PGCKA1: variants seen among roughly 807,000 people sequenced by gnomAD.
The protein encoded by PGCKA1 is PDCD10 and GCKIII kinases associated 1, also known as PDCD10 and GCKIII kinases-associated protein 1.
chr4:37,581,810 T>G, the PGCKA1 span, among the ~76,000 whole-genome samples: 1 of 152,140 alleles, frequency 6.6e-6, no homozygotes, highest in Non-Finnish European at 1.5e-5. The surrounding 1 kb of genome is among the most constrained non-coding windows in gnomAD (Gnocchi z 4.4). Flanking sequence ...AGTACTGATA[T>G]CTTGCCTAGG....
chr4:37,529,938 AT>A, the PGCKA1 span, among the ~76,000 whole-genome samples: 3 of 152,232 alleles, frequency 2.0e-5, no homozygotes, highest in Non-Finnish European at 4.4e-5. Flanking sequence ...ATATTAAAAA[AT>A]AATGTAAGCC....
the PGCKA1 span, among the ~76,000 whole-genome samples, chr4:37,542,435 C>T: frequency 6.6e-6 from 1 of 152,156 alleles, no homozygotes; most frequent in Non-Finnish European, 1.5e-5. Flanking sequence ...GGATAAATAT[C>T]AAGCAAGAAT....
At chr4:37,520,897 G>A in the PGCKA1 span, among the ~76,000 whole-genome samples, 12 of 152,210 alleles carry the variant, frequency 7.9e-5, no homozygotes, top group Non-Finnish European at 1.0e-4. Context: ...GATTACAGGC[G>A]TGAGCCACTG....
chr4:37,540,557 A>G, the PGCKA1 span, among the ~76,000 whole-genome samples: 2 of 152,164 alleles, frequency 1.3e-5, no homozygotes, highest in African/African-American at 4.8e-5. Flanking sequence ...TTTGATCATT[A>G]CTTCACACAA....
At chr4:37,529,776 A>C in the PGCKA1 span, among the ~76,000 whole-genome samples, 3 of 152,154 alleles carry the variant, frequency 2.0e-5, no homozygotes, top group Non-Finnish European at 4.4e-5. Flanking sequence ...CCTTGAGTTG[A>C]TTTAAAAGGA....
chr4:37,552,479 T>C, the PGCKA1 span, among the ~76,000 whole-genome samples: 1 of 152,148 alleles, frequency 6.6e-6, no homozygotes, highest in Non-Finnish European at 1.5e-5. Flanking sequence ...ACTATTATCA[T>C]TGTCATTTTA....
At chr4:37,529,713 G>C in the PGCKA1 span, among the ~76,000 whole-genome samples, 1 of 152,288 alleles carries the variant, frequency 6.6e-6, no homozygotes, top group South Asian at 2.1e-4. Context: ...TAGAAGATGG[G>C]GGAAGCTGGC....
At chr4:37,461,942 A>T in the PGCKA1 span, among the ~76,000 whole-genome samples, 1 of 152,022 alleles carries the variant, frequency 6.6e-6, no homozygotes, top group Non-Finnish European at 1.5e-5. Context: ...TGTGAACATG[A>T]TTCTGGACTG....
the PGCKA1 span, among the ~76,000 whole-genome samples, chr4:37,532,613 A>G: frequency 6.6e-6 from 1 of 152,018 alleles, no homozygotes; most frequent in Non-Finnish European, 1.5e-5. Context: ...TTGCCAGACC[A>G]CTAGCTGTAA....
chr4:37,559,684 G>T, the PGCKA1 span, among the ~76,000 whole-genome samples: 2 of 152,080 alleles, frequency 1.3e-5, no homozygotes, highest in African/African-American at 2.4e-5. Flanking sequence ...ACTAGTCCTC[G>T]AGATGATTCC....
At chr4:37,587,044 A>G in the PGCKA1 span, among the ~76,000 whole-genome samples, 1 of 152,018 alleles carries the variant, frequency 6.6e-6, no homozygotes, top group African/African-American at 2.4e-5. Flanking sequence ...CCGGGGCCAC[A>G]CTCTTTCCAG....
At chr4:37,570,225 C>T in the PGCKA1 span, among the ~76,000 whole-genome samples, 1 of 137,854 alleles carries the variant, frequency 7.3e-6, no homozygotes, top group South Asian at 2.3e-4. Context: ...GTCTCGATCT[C>T]CTGACCTTTT....
the PGCKA1 span, among the ~76,000 whole-genome samples, chr4:37,550,188 G>T: frequency 1.3e-5 from 2 of 152,142 alleles, no homozygotes; most frequent in Admixed American, 1.3e-4. Context: ...CACAGTCTTT[G>T]AAGTAAGACT....
chr4:37,530,815 C>T, the PGCKA1 span, among the ~76,000 whole-genome samples: 1 of 151,892 alleles, frequency 6.6e-6, no homozygotes, highest in East Asian at 1.9e-4. Flanking sequence ...CCCGTCTCCA[C>T]TAAAAATACA....
the PGCKA1 span, among the ~76,000 whole-genome samples, chr4:37,584,668 C>T: frequency 6.6e-6 from 1 of 152,152 alleles, no homozygotes; most frequent in African/African-American, 2.4e-5. Context: ...GTGCAGGCTG[C>T]TCCTGTGGTC....
the PGCKA1 span, among the ~76,000 whole-genome samples, chr4:37,558,371 C>G: frequency 6.6e-6 from 1 of 152,140 alleles, no homozygotes; most frequent in African/African-American, 2.4e-5. Flanking sequence ...CCCCCCGTCC[C>G]CAGGCAATTT....
chr4:37,530,159 T>C, the PGCKA1 span, among the ~76,000 whole-genome samples: 1 of 152,260 alleles, frequency 6.6e-6, no homozygotes, highest in African/African-American at 2.4e-5. Context: ...TCCTAACTTC[T>C]AGCACGTAAT....
At chr4:37,502,557 G>A in the PGCKA1 span, among the ~76,000 whole-genome samples, 1 of 152,154 alleles carries the variant, frequency 6.6e-6, no homozygotes, top group Non-Finnish European at 1.5e-5. Context: ...GGCTCTAACT[G>A]AAATGGCAAT....
At chr4:37,474,337 G>A in the PGCKA1 span, among the ~76,000 whole-genome samples, 2 of 152,132 alleles carry the variant, frequency 1.3e-5, no homozygotes, top group East Asian at 1.9e-4. Flanking sequence ...CCCTGACCTC[G>A]AACTTCCCAA....
Sources: allele counts gnomAD v4.1 joint callset (sites outside exome capture counted in the v4.1 genomes callset), GRCh38; gene constraint gnomAD v4.1.1; non-coding constraint Gnocchi (gnomAD v3.1); transcripts MANE v1.5; gene names NCBI Gene and HGNC (gene_info 2026-07-23, HGNC 2026-07-21).